The following CHRNB4 variants were observed in gnomAD, a reference collection of about 807,000 sequenced individuals.
The protein encoded by CHRNB4 is neuronal acetylcholine receptor subunit beta-4.
Under a neutral mutation model 40.4 loss-of-function variants are expected in CHRNB4, and 23 were observed. The observed-to-expected ratio is 0.57, with a 90% CI of 0.41 to 0.81. The LOEUF (loss-of-function observed/expected upper bound fraction) is 0.81. Ranked by LOEUF, CHRNB4 falls within the 30% of genes least tolerant of loss-of-function variation. The pLI, the probability that CHRNB4 is intolerant of heterozygous loss-of-function variation, is 0.00. For synonymous variants in CHRNB4, 285 were observed against 274.4 expected (o/e 1.04, Z -0.38); for missense variants, 568 against 670.6 (o/e 0.85, Z 1.69).
rs867837798 is a variant in CHRNB4 at position 78,634,705 on chromosome 15, C to G, written c.204+734G>C. 2.4e-5 allele frequency: 11 copies of G among 455,862 alleles called. 1 individual carries two copies. The highest frequency in any genetic ancestry group is 7.1e-5 in the Admixed American group (3 of 42,548). The allele number at this position is 455,862 out of a possible 1,614,324, so 28.2% of individuals were successfully genotyped here. ...CCTGCACTCTCCCCTTGTGAATGTTCCCCCAGAGCTTCTTCCAGGGACGGA... is the reference window on the plus strand; with the variant it reads ...CCTGCACTCTCCCCTTGTGAATGTTGCCCCAGAGCTTCTTCCAGGGACGGA... On this transcript the variant is annotated intron_variant, in intron 2 of 5. Coordinates refer to ENST00000261751, the MANE Select transcript of CHRNB4 (RefSeq NM_000750.5).
chr15:78,655,460 ATATATC>A (rs983934766), intron 5 of CHRNB4: 13 of 76,702 alleles, frequency 1.7e-4, no homozygotes, highest in South Asian at 3.4e-4. Context: ...ATATATATCT[ATATATC>A]TATATCTATA....
intron 1 of CHRNB4, among the ~76,000 whole-genome samples, chr15:78,638,623 G>A (rs1335794437): frequency 1.3e-5 from 1 of 75,360 alleles, no homozygotes; most frequent in African/African-American, 3.7e-5. Flanking sequence ...GTATGGCCGG[G>A]GGGCCGGGGG....
intron 7 of CHRNB4, chr15:78,649,253 C>T (rs528134378): frequency 5.8e-5 from 15 of 259,812 alleles, no homozygotes; most frequent in African/African-American, 3.5e-4. Flanking sequence ...TTCCATTTCT[C>T]GGTGTGTACC....
In CHRNB4 at chr15:78,652,002, C is replaced by G. The variant is rs148189673; in HGVS notation, c.-16+576G>C. Among the ~76,000 whole-genome samples, 342 of 152,346 alleles carry G rather than the reference C, an allele frequency of 2.2e-3. 1 individual carries two copies. Among genetic ancestry groups the G allele is most frequent in the African/African-American group, 7.9e-3 (329 of 41,578 alleles). ...AGCTACTTGGTGCTAGATACTTCAT[C>G]ATTTTGTCCTCACAAGAAGCTACTG... is the stretch of plus-strand genomic sequence containing the variant. On this transcript the variant is annotated intron_variant and NMD_transcript_variant, in intron 6 of 11. Coordinates refer to the CHRNB4 transcript ENST00000559849.
chr15:78,646,293 T>C (rs2054122729), intron 7 of CHRNB4, among the ~76,000 whole-genome samples: 1 of 152,156 alleles, frequency 6.6e-6, no homozygotes, highest in Non-Finnish European at 1.5e-5. Flanking sequence ...CTAAAAACGA[T>C]GTTGGGACAA....
chr15:78,638,050 C>A (rs534942445), intron 1 of CHRNB4, among the ~76,000 whole-genome samples: 1 of 152,204 alleles, frequency 6.6e-6, no homozygotes, highest in Non-Finnish European at 1.5e-5. Flanking sequence ...TTGCCCAAGC[C>A]CATCTGGCAT....
At chr15:78,641,374 TC>T, upstream of CHRNB4, 1 of 453,686 alleles carries the variant, frequency 2.2e-6, no homozygotes, top group East Asian at 3.9e-5. Flanking sequence ...GGCTTCCCTA[TC>T]TCTTCGGGCC....
rs775620959 is a variant in CHRNB4 at position 78,629,764 on chromosome 15, T to G, written c.541A>C (p.Ile181Leu). The stretch of plus-strand genomic sequence containing the variant: ...GTGGGCGTCATGAGGACCATGTCTA[T>G]CTCCGTGTGGTCATAGGTCCAGGAG... The part of the protein sequence containing the change: ...FRSWTYDHTE[I>L]DMVLMTPTAS... The change falls in exon 5 of 6, where the codon ATA becomes CTA. Residue 181 changes from isoleucine to leucine, a missense_variant. Coordinates refer to ENST00000261751, the MANE Select transcript of CHRNB4 (RefSeq NM_000750.5). This position sits in a 1 kb window ranked among gnomAD's most constrained non-coding sequence, Gnocchi z 6.8. The G allele has an allele frequency of 1.2e-6, 2 of 1,614,040 alleles. No homozygotes were observed. Among genetic ancestry groups the G allele is most frequent in the East Asian group, 4.5e-5 (2 of 44,868 alleles).
intron 6 of CHRNB4, among the ~76,000 whole-genome samples, chr15:78,651,501 C>G (rs2054171576): frequency 6.6e-6 from 1 of 152,224 alleles, no homozygotes; most frequent in Non-Finnish European, 1.5e-5. Context: ...GCCCAGAGAC[C>G]TCTCCAGGGC....
rs1044976367 is a variant in CHRNB4 at position 78,629,205 on chromosome 15, AC to A, written c.1099del (p.Val367Ter). 6.2e-7 allele frequency: 1 copy of A among 1,613,624 alleles called. No homozygotes were observed. Among genetic ancestry groups the A allele is most frequent in the Non-Finnish European group, 8.5e-7 (1 of 1,179,728 alleles). On this transcript the variant is annotated frameshift_variant, in exon 5 of 6. Coordinates refer to ENST00000261751, the MANE Select transcript of CHRNB4 (RefSeq NM_000750.5). LOFTEE classifies it high-confidence loss of function. The surrounding 1 kb of genome is among the most constrained non-coding windows in gnomAD (Gnocchi z 6.8). ...GGTGGCGGTGGCCTCGGGCTTGGTC[AC>A]GCATGACTTGCTGGGCGGGAAGGCT... is the stretch of plus-strand genomic sequence containing the variant. Reference protein sequence around the residue: ...ARAFPPSKSCVTKPEATATST... With the variant: ...ARAFPPSKSCXTKPEATATST...
Position 78,649,847 on chromosome 15 carries a change from CATAA to C in CHRNB4, c.-15-412_-15-409del, listed in dbSNP as rs143318831. Among the ~76,000 whole-genome samples the C allele has an allele frequency of 2.3e-3, 343 of 152,040 alleles. 2 individuals are homozygous for C. Among genetic ancestry groups the C allele is most frequent in the African/African-American group, 7.8e-3 (322 of 41,438 alleles). On this transcript the variant is annotated intron_variant and NMD_transcript_variant, in intron 6 of 11. Transcript: ENST00000559849. ...GGGGGAGGTTCTGGGGGTTTTGTTT[CATAA>C]ATAAATTTGCTTTAGTTCATAAAAT...
intron 7 of CHRNB4, among the ~76,000 whole-genome samples, chr15:78,647,337 T>C (rs1047996878): frequency 1.4e-4 from 21 of 151,446 alleles, no homozygotes; most frequent in African/African-American, 4.8e-4. Context: ...ATATAAACAT[T>C]TTATATATAT....
intron 2 of CHRNB4, 55 bp downstream of exon 2, chr15:78,635,384 G>A: frequency 1.3e-6 from 2 of 1,592,394 alleles, no homozygotes; most frequent in South Asian, 1.1e-5. Flanking sequence ...CCTGGGGCTT[G>A]GGCATGAGCG....
At chr15:78,648,528 G>GA (rs1381661279) in intron 7 of CHRNB4, among the ~76,000 whole-genome samples, 1 of 152,022 alleles carries the variant, frequency 6.6e-6, no homozygotes, top group East Asian at 1.9e-4. Flanking sequence ...GGCCGAGGCG[G>GA]ATGGATCACA....
At position 78,640,135 on chromosome 15, in the gene CHRNB4, A is replaced by G. The variant is rs536427352; in HGVS notation, c.55+944T>C. Among the ~76,000 whole-genome samples the G allele has an allele frequency of 5.6e-4, 85 of 152,266 alleles. 1 individual carries two copies. Among genetic ancestry groups the G allele is most frequent in the Middle Eastern group, 6.8e-3 (2 of 294 alleles). On this transcript the variant is annotated intron_variant, in intron 1 of 5. Coordinates refer to ENST00000261751, the MANE Select transcript of CHRNB4 (RefSeq NM_000750.5). ...AGAATTCCAGCTATGGCTTCCTCTCAGATTATTAGCTCCTTATATATTCCC... is the reference window on the plus strand; with the variant it reads ...AGAATTCCAGCTATGGCTTCCTCTCGGATTATTAGCTCCTTATATATTCCC...
intron 6 of CHRNB4, among the ~76,000 whole-genome samples, chr15:78,651,678 C>T (rs2141409070): frequency 6.6e-6 from 1 of 152,346 alleles, no homozygotes; most frequent in African/African-American, 2.4e-5. Context: ...TAGCCCATAA[C>T]TCACATGGTT....
rs377393394 is a variant in CHRNB4 at position 78,647,657 on chromosome 15, T to C, written c.46+1722A>G. On this transcript the variant is annotated intron_variant and NMD_transcript_variant, in intron 7 of 11. Coordinates refer to the CHRNB4 transcript ENST00000559849. ...GTCAGGAGATCGAGACCATCCTGGC[T>C]AACATGGTGAAACCCCGTCTCTACT... Among the ~76,000 whole-genome samples, 55 of 120,118 alleles carry C rather than the reference T, an allele frequency of 4.6e-4. 1 individual carries two copies. Among genetic ancestry groups the C allele is most frequent in the Middle Eastern group, 0.011 (2 of 174 alleles). The allele number at this position is 120,118 out of a possible 152,430, so 78.8% of individuals were successfully genotyped here.
At chr15:78,641,389 C>A (rs917470936), upstream of CHRNB4, 2 of 449,038 alleles carry the variant, frequency 4.5e-6, no homozygotes, top group African/African-American at 4.2e-5. Context: ...TCGGGCCTCG[C>A]AACCTTCCCC....
rs71534210 is a variant in CHRNB4 at position 78,629,585 on chromosome 15, G to A, written c.720C>T (p.Ile240=). 4,812 of 1,614,116 alleles carry A rather than the reference G, an allele frequency of 3.0e-3. 113 individuals carry two copies. The African/African-American group carries it at 0.054, about 18-fold the overall frequency. ...RKPLFYTINL[I]IPCVLTTLLA... Reference sequence around the variant, plus strand: ...GCAAGGTGGTGAGCACGCAGGGGATGATGAGGTTGATGGTGTAGAACAGAG... The same window carrying A: ...GCAAGGTGGTGAGCACGCAGGGGATAATGAGGTTGATGGTGTAGAACAGAG... The change falls in exon 5 of 6, where the codon ATC becomes ATT. Residue 240 remains isoleucine (I), a synonymous_variant. Transcript: ENST00000261751. This position sits in a 1 kb window ranked among gnomAD's most constrained non-coding sequence, Gnocchi z 6.8.
Sources: gnomAD v4.1 joint callset for allele counts (sites outside exome capture counted in the v4.1 genomes callset) on GRCh38, gnomAD v4.1.1 for gene constraint, Gnocchi (gnomAD v3.1) non-coding constraint, MANE v1.5 for transcripts, NCBI Gene and HGNC (gene_info 2026-07-23, HGNC 2026-07-21) for gene names.